FADS6: variants seen among roughly 807,000 people sequenced by gnomAD.
FADS6 encodes the protein fatty acid desaturase domain family, member 6.
A neutral mutation model predicts 31.7 loss-of-function variants in FADS6; 28 were observed. The ratio of observed to expected loss-of-function variants is 0.88; its 90% CI spans 0.66 to 1.21. The LOEUF (loss-of-function observed/expected upper bound fraction) is 1.21. Among genes scored for constraint, FADS6 ranks in the 50% most tolerant of loss-of-function variants. The pLI is 0.00. For missense variants in FADS6, 494 were observed against 504.2 expected (o/e 0.98, Z 0.19); for synonymous variants, 191 against 213.1 (o/e 0.90, Z 0.90).
At chr17:74,892,167 C>G (rs895784554) in intron 2 of FADS6, among the ~76,000 whole-genome samples, 4 of 152,204 alleles carry the variant, frequency 2.6e-5, no homozygotes, top group Non-Finnish European at 5.9e-5. Flanking sequence ...GGAGTAAGGA[C>G]GCTGCCCCTT....
chr17:74,879,406 T>A lies in FADS6; in HGVS notation c.958A>T (p.Lys320Ter). The stretch of plus-strand genomic sequence containing the variant: ...CCCCCAGCCCAGCCCTCGACTACCT[T>A]CAGGCACATGTTATCAGAGAGCCTG... ...FPRLSDNMCL[K>*]VKPVVSQFLR... is the part of the protein sequence containing the mutation. The change falls in exon 5 of 6, where the codon AAG becomes TAG. Residue 320 changes from lysine to a stop codon, truncating the protein, a stop_gained and splice_region_variant. Coordinates refer to ENST00000612771, the MANE Select transcript of FADS6 (RefSeq NM_178128.6). LOFTEE classifies it high-confidence loss of function. 6.2e-7 allele frequency: 1 copy of A among 1,613,542 alleles called. No individual in the cohort carries two copies. The highest frequency in any genetic ancestry group is 8.5e-7 in the Non-Finnish European group (1 of 1,179,676).
intron 4 of FADS6, 119 bp from the exon 5 acceptor site, chr17:74,879,702 C>A (rs2038547861): frequency 2.8e-6 from 3 of 1,085,966 alleles, no homozygotes; most frequent in Non-Finnish European, 3.9e-6. Flanking sequence ...TGTGGGGGGA[C>A]CTGGTAGAGG....
intron 5 of FADS6, among the ~76,000 whole-genome samples, chr17:74,878,769 A>G (rs1489241424): frequency 6.6e-6 from 1 of 152,222 alleles, no homozygotes; most frequent in Non-Finnish European, 1.5e-5. Flanking sequence ...CCATGTGCCA[A>G]ACATTTCAGA....
rs1466199711 is a variant in FADS6 at position 74,878,487 on chromosome 17, G to A, written c.961-10C>T. The A allele has an allele frequency of 6.2e-7, 1 of 1,613,424 alleles. No homozygotes were observed. Among genetic ancestry groups the A allele is most frequent in the Non-Finnish European group, 8.5e-7 (1 of 1,179,584 alleles). On this transcript the variant is annotated splice_polypyrimidine_tract_variant and intron_variant, in intron 5 of 5. Coordinates refer to ENST00000612771, the MANE Select transcript of FADS6 (RefSeq NM_178128.6). ...ACACCACGGGCTTCACCTGGTGGAA[G>A]ATGGGCAGGAGAGGGCCTATGAGCA... is the stretch of plus-strand genomic sequence containing the variant.
chr17:74,876,332 G>A (rs62084951), downstream of FADS6, among the ~76,000 whole-genome samples: 4 of 152,138 alleles, frequency 2.6e-5, no homozygotes, highest in African/African-American at 9.7e-5. Context: ...GCAATTACAC[G>A]CTCAGAGAAT....
rs371033475 is a variant in FADS6 at position 74,882,874 on chromosome 17, A to G, written c.412-164T>C. On this transcript the variant is annotated intron_variant, in intron 2 of 5. Transcript: ENST00000612771. ...TAATCCGCTTTGACCATCAACTCTC[A>G]GGTATCTATGACCACGGAGTGGCAG... 55 of 1,492,376 alleles carry G rather than the reference A, an allele frequency of 3.7e-5. No homozygotes were observed. In the East Asian group the frequency reaches 3.7e-4, roughly 10 times the overall value. 92.4% of individuals were successfully genotyped at this position (1,492,376 alleles called of 1,614,324 possible). A position where few individuals can be genotyped will look rare whatever the true frequency, so the allele number is the denominator to read the frequency against.
At chr17:74,882,795 C>T (rs1248697241) in intron 2 of FADS6, 85 bp from the exon 3 acceptor site, 2 of 1,540,452 alleles carry the variant, frequency 1.3e-6, no homozygotes, top group South Asian at 2.4e-5. Flanking sequence ...CGGAGAACAC[C>T]CCCACCTCCT....
intron 2 of FADS6, among the ~76,000 whole-genome samples, chr17:74,889,559 A>C (rs2038665543): frequency 6.6e-6 from 1 of 151,414 alleles, no homozygotes; most frequent in Non-Finnish European, 1.5e-5. Flanking sequence ...AAACAAAACA[A>C]ACAAACAAAC....
At chr17:74,875,661 T>C (rs1295017964), downstream of FADS6, among the ~76,000 whole-genome samples, 3 of 152,252 alleles carry the variant, frequency 2.0e-5, no homozygotes, top group South Asian at 4.1e-4. Flanking sequence ...TGGGGCCTTT[T>C]CTGCCACTGC....
rs200416598 is a variant in FADS6, at chr17:74,879,509, G to A, written c.855C>T (p.Asn285=). The A allele has an allele frequency of 4.3e-6, 7 of 1,613,756 alleles. No individual in the cohort carries two copies. Among genetic ancestry groups the A allele is most frequent in the Admixed American group, 3.3e-5 (2 of 59,994 alleles). Residue 285 remains asparagine (N), a synonymous_variant, in exon 5 of 6, where the codon AAC becomes AAT. Transcript: ENST00000612771. ...AGTCCAGCACGGGCAGCCGGGCCAG[G>A]TTAAGCACCCCCAGGCTCATCATGT... ...RIHMMSLGVL[N]LARLPVLDWA... is the part of the protein sequence containing the mutation.
At chr17:74,890,533 C>T (rs1567929614) in intron 2 of FADS6, among the ~76,000 whole-genome samples, 1 of 152,326 alleles carries the variant, frequency 6.6e-6, no homozygotes, top group East Asian at 1.9e-4. Flanking sequence ...GGGAGCCAAG[C>T]CTTTCCTCCC....
intron 2 of FADS6, among the ~76,000 whole-genome samples, chr17:74,884,988 G>A (rs1330902999): frequency 1.3e-5 from 2 of 152,026 alleles, no homozygotes; most frequent in East Asian, 1.9e-4. Flanking sequence ...GGAATACAGC[G>A]TGAGCCACTG....
Position 74,882,914 on chromosome 17 carries a change from C to T in FADS6, c.412-204G>A, listed in dbSNP as rs1468279124. On this transcript the variant is annotated intron_variant, in intron 2 of 5. Coordinates refer to ENST00000612771, the MANE Select transcript of FADS6 (RefSeq NM_178128.6). ...CGGAGTGGCAGCCAGTCAATACAAT[C>T]GTGTCCGTTTGACGAGGCTCTGCAA... 9 of 1,391,828 alleles carry T rather than the reference C, an allele frequency of 6.5e-6. No homozygotes were observed. In the Admixed American group the frequency reaches 7.2e-5, roughly 11 times the overall value. The allele number at this position is 1,391,828 out of a possible 1,614,324, so 86.2% of individuals were successfully genotyped here.
chr17:74,889,891 A>AAAAAAAAAAC, intron 2 of FADS6, among the ~76,000 whole-genome samples: 2 of 150,182 alleles, frequency 1.3e-5, no homozygotes, highest in Admixed American at 1.3e-4. Context: ...AAAAAAAAAA[A>AAAAAAAAAAC]AAAAGACAAA....
Position 74,893,407 on chromosome 17 carries a change from C to G in FADS6, c.189G>C (p.Glu63Asp). 6.4e-7 allele frequency: 1 copy of G among 1,551,266 alleles called. No individual in the cohort carries two copies. Among genetic ancestry groups the G allele is most frequent in the South Asian group, 1.2e-5 (1 of 83,906 alleles). Residue 63 changes from glutamate to aspartate, a missense_variant, in exon 1 of 6, where the codon GAG becomes GAC. Physicochemically the swap from Glu to Asp is conservative, Grantham distance 45. Around this residue, in one of 2 missense-constraint regions of FADS6, gnomAD observed 454 missense variants for 438.5 expected, o/e 1.04. Transcript: ENST00000612771. The part of the protein sequence containing the change: ...QDVVRTSSWW[E>D]RHGVDCAILA... ...GGATGGCGCAGTCCACGCCGTGGCGCTCCCACCAGGAGCTCGTCCTCACCA... is the reference window on the plus strand; with the variant it reads ...GGATGGCGCAGTCCACGCCGTGGCGGTCCCACCAGGAGCTCGTCCTCACCA...
chr17:74,878,387 G>A lies in FADS6; in HGVS notation c.1051C>T (p.Arg351Cys), dbSNP rs774253335. The A allele has an allele frequency of 5.0e-6, 8 of 1,613,998 alleles. No homozygotes were observed. Among genetic ancestry groups the A allele is most frequent in the Middle Eastern group, 1.6e-4 (1 of 6,062 alleles). Reference protein sequence around the residue: ...YLARFQLFLRRYEEFMVQAPP... With the variant: ...YLARFQLFLRCYEEFMVQAPP... The stretch of plus-strand genomic sequence containing the variant: ...GCCTGCACCATGAATTCCTCATAGC[G>A]ACGGAGAAACAGCTGGAAGCGAGCC... Residue 351 changes from arginine (R) to cysteine (C), a missense_variant, in exon 6 of 6, where the codon CGC becomes TGC. This residue lies in a region of FADS6 where 454 missense variants were observed against 438.5 expected (regional missense o/e 1.04). Coordinates refer to ENST00000612771, the MANE Select transcript of FADS6 (RefSeq NM_178128.6).
chr17:74,892,621 G>A lies in FADS6; in HGVS notation c.313C>T (p.His105Tyr). 1 of 1,613,368 alleles carries A rather than the reference G, an allele frequency of 6.2e-7. No homozygotes were observed. The highest frequency in any genetic ancestry group is 8.5e-7 in the Non-Finnish European group (1 of 1,179,620). Reference protein sequence around the residue: ...ASGITILGVCHYTLTVKGSHL... With the variant: ...ASGITILGVCYYTLTVKGSHL... ...CTGCCCTTGACAGTGAGTGTGTAGT[G>A]GCACACACCCAAGATGGTGATGCCG... Residue 105 changes from histidine to tyrosine, a missense_variant, in exon 2 of 6, where the codon CAC (histidine) becomes TAC (tyrosine). Physicochemically the swap from His to Tyr is moderately conservative, Grantham distance 83. This residue lies in a region of FADS6 where 454 missense variants were observed against 438.5 expected (regional missense o/e 1.04). Transcript: ENST00000612771.
rs1219967311 is a variant in FADS6 at position 74,879,585 on chromosome 17, T to C, written c.781-2A>G. The C allele has an allele frequency of 6.2e-7, 1 of 1,609,508 alleles. No individual in the cohort carries two copies. Among genetic ancestry groups the C allele is most frequent in the Non-Finnish European group, 8.5e-7 (1 of 1,177,824 alleles). On this transcript the variant is annotated splice_acceptor_variant, in intron 4 of 5. Coordinates refer to ENST00000612771, the MANE Select transcript of FADS6 (RefSeq NM_178128.6). LOFTEE classifies it high-confidence loss of function. ...GGAGAACATGGGCAGTCCGATGTGC[T>C]GTGACAGACACGTGGGTCACGCCGG...
intron 4 of FADS6, 70 bp downstream of exon 4, chr17:74,880,998 A>T (rs1003225800): frequency 1.8e-5 from 26 of 1,479,970 alleles, no homozygotes; most frequent in Non-Finnish European, 2.2e-5. Flanking sequence ...CCTAGAGTCC[A>T]GCCTGTGATC....
Sources: allele counts gnomAD v4.1 joint callset (sites outside exome capture counted in the v4.1 genomes callset), GRCh38; gene constraint gnomAD v4.1.1; regional missense constraint gnomAD v4.1.1; transcripts MANE v1.5; gene names NCBI Gene and HGNC (gene_info 2026-07-23, HGNC 2026-07-21).